The following PUM3 variants were observed in gnomAD, a reference collection of about 807,000 sequenced individuals.
The protein encoded by PUM3 is pumilio homolog 3.
Under a neutral mutation model 84.0 loss-of-function variants are expected in PUM3, and 91 were observed. The observed-to-expected ratio is 1.08, with a 90% CI of 0.91 to 1.29. The LOEUF is 1.29. PUM3 is among the 50% of genes most tolerant of loss of function. The pLI is 0.00. For synonymous variants in PUM3, 321 were observed against 266.7 expected, an observed-to-expected ratio of 1.20 and a Z score of -1.98; for missense variants, 1,067 against 767.5, an observed-to-expected ratio of 1.39 and a Z score of -4.61.
chr9:2,843,704 A>C (rs141469565), intron 1 of PUM3, among the ~76,000 whole-genome samples: 9 of 148,278 alleles, frequency 6.1e-5, no homozygotes, highest in African/African-American at 2.3e-4. Flanking sequence ...TCAGCCTCCC[A>C]AGTAGCTGGG....
At chr9:2,804,491 A>T in intron 17 of PUM3, 28 bp from the exon 18 acceptor site, 1 of 1,603,008 alleles carries the variant, frequency 6.2e-7, no homozygotes, top group Non-Finnish European at 8.5e-7. Flanking sequence ...ATTAAATTTC[A>T]TAAGCATTCC....
chr9:2,841,302 G>T (rs961470847), intron 1 of PUM3, among the ~76,000 whole-genome samples: 35 of 152,272 alleles, frequency 2.3e-4, no homozygotes, highest in African/African-American at 3.4e-4. Flanking sequence ...GTTACTTAGA[G>T]GCTTGCATGG....
At chr9:2,831,757 CT>C (rs1280344808) in intron 5 of PUM3, among the ~76,000 whole-genome samples, 4 of 152,160 alleles carry the variant, frequency 2.6e-5, no homozygotes, top group African/African-American at 9.7e-5. Context: ...GAATGTTTGG[CT>C]TTGGCAACCA....
intron 12 of PUM3, among the ~76,000 whole-genome samples, chr9:2,820,407 T>C (rs1326966897): frequency 6.6e-6 from 1 of 152,100 alleles, no homozygotes; most frequent in Non-Finnish European, 1.5e-5. Context: ...TGTTAATGAA[T>C]AGCTACTTGA....
intron 3 of PUM3, among the ~76,000 whole-genome samples, chr9:2,836,810 CGTGT>C (rs145780551): frequency 6.7e-6 from 1 of 150,172 alleles, no homozygotes; most frequent in African/African-American, 2.4e-5. Flanking sequence ...TGTGTGTGTG[CGTGT>C]GTGTGTGTGT....
At chr9:2,811,317 G>C (rs372400343) in intron 15 of PUM3, 44 bp downstream of exon 15, 1 of 1,585,254 alleles carries the variant, frequency 6.3e-7, no homozygotes, top group Middle Eastern at 2.1e-4. Context: ...CGAAGTTTTT[G>C]TGGCCTTTGC....
In PUM3 at chr9:2,823,800, TA is replaced by T; in HGVS notation, c.1168del (p.Tyr390MetfsTer28). ...RKVIVKTMKT[Y>X]VEKVANGQYS... ...ACTTACATTAGCCACCTTTTCAACATAAGTCTTCATTGTTTTCACAATCACT... is the reference window on the plus strand; with the variant it reads ...ACTTACATTAGCCACCTTTTCAACATAGTCTTCATTGTTTTCACAATCACT... On this transcript the variant is annotated frameshift_variant, in exon 12 of 18. Transcript: ENST00000397885. LOFTEE classifies it high-confidence loss of function. 1 of 1,514,820 alleles carries T rather than the reference TA, an allele frequency of 6.6e-7. No individual in the cohort carries two copies. Among genetic ancestry groups the T allele is most frequent in the Non-Finnish European group, 9.0e-7 (1 of 1,108,996 alleles). 93.8% of individuals were successfully genotyped at this position (1,514,820 alleles called of 1,614,324 possible).
chr9:2,831,060 A>G (rs1324737914), intron 6 of PUM3, 32 bp from the exon 7 acceptor site: 1 of 1,178,762 alleles, frequency 8.5e-7, no homozygotes, highest in Non-Finnish European at 1.2e-6. Flanking sequence ...CAGTGACTTC[A>G]GATCTCATTT....
At chr9:2,813,289 A>T (rs1037185015) in intron 13 of PUM3, among the ~76,000 whole-genome samples, 5 of 152,256 alleles carry the variant, frequency 3.3e-5, no homozygotes, top group Admixed American at 2.0e-4. Context: ...GAAAATTTTT[A>T]AAAATTCCTT....
intron 12 of PUM3, among the ~76,000 whole-genome samples, chr9:2,821,668 A>G (rs1417213710): frequency 6.6e-6 from 1 of 152,146 alleles, no homozygotes; most frequent in Non-Finnish European, 1.5e-5. Context: ...TGAGAATGTA[A>G]AGTGGTTCAA....
intron 3 of PUM3, 79 bp from the exon 4 acceptor site, chr9:2,834,245 C>G: frequency 1.6e-6 from 2 of 1,254,446 alleles, no homozygotes; most frequent in Non-Finnish European, 2.2e-6. Context: ...GTAAAAAGGG[C>G]AATCACTAAT....
chr9:2,837,277 C>T lies in PUM3; in HGVS notation c.207G>A (p.Lys69=). 6.2e-7 allele frequency: 1 copy of T among 1,614,124 alleles called. No homozygotes were observed. The highest frequency in any genetic ancestry group is 2.2e-5 in the East Asian group (1 of 44,868). Residue 69 remains lysine (K), a synonymous_variant, in exon 3 of 18, where the codon AAG becomes AAA. Transcript: ENST00000397885. ...GTGATTTGTCCCCTTGCTGCTTATT[C>T]TTGAACTGCTTTACACCCTTTTTCC... ...KLGKKGVKQF[K]NKQQGDKSPK... is the part of the protein sequence containing the mutation.
chr9:2,841,593 A>G (rs967608832), intron 1 of PUM3, among the ~76,000 whole-genome samples: 1 of 152,144 alleles, frequency 6.6e-6, no homozygotes, highest in Non-Finnish European at 1.5e-5. Flanking sequence ...ATAGCAATTA[A>G]TAAACATTTC....
At position 2,829,963 on chromosome 9, in the gene PUM3, A is replaced by C. The variant is rs1352787439; in HGVS notation, c.678-15T>G. ...GTGGTTTACTTCTAAACGCAACACA[A>C]TCATGGAAAAATAAATGATAGAAGG... On this transcript the variant is annotated splice_polypyrimidine_tract_variant and intron_variant, in intron 7 of 17. Transcript: ENST00000397885. The C allele has an allele frequency of 6.3e-7, 1 of 1,593,188 alleles. No individual in the cohort carries two copies. The highest frequency in any genetic ancestry group is 8.6e-7 in the Non-Finnish European group (1 of 1,165,674).
chr9:2,832,892 A>G (rs983461575), intron 5 of PUM3, among the ~76,000 whole-genome samples: 3 of 152,226 alleles, frequency 2.0e-5, no homozygotes, highest in Admixed American at 6.5e-5. Flanking sequence ...AGCAGCAACA[A>G]TGAAAACTAC....
intron 5 of PUM3, among the ~76,000 whole-genome samples, chr9:2,831,984 C>A (rs2129866144): frequency 6.6e-6 from 1 of 152,292 alleles, no homozygotes; most frequent in South Asian, 2.1e-4. Flanking sequence ...GAAGGACCCA[C>A]TGACCAATTT....
chr9:2,839,297 C>G (rs1448782860), intron 1 of PUM3, among the ~76,000 whole-genome samples: 1 of 152,178 alleles, frequency 6.6e-6, no homozygotes, highest in Non-Finnish European at 1.5e-5. Flanking sequence ...ACGATCAACT[C>G]ATTTGAAAGC....
chr9:2,840,762 C>T (rs1390770853), intron 1 of PUM3, among the ~76,000 whole-genome samples: 1 of 152,168 alleles, frequency 6.6e-6, no homozygotes, highest in Non-Finnish European at 1.5e-5. Flanking sequence ...AAAGCACATC[C>T]TTATTTCCTG....
chr9:2,820,062 C>G lies in PUM3; in HGVS notation c.1225G>C (p.Asp409His). The change falls in exon 13 of 18, where the codon GAT (aspartate) becomes CAT (histidine). Residue 409 changes from aspartate to histidine, a missense_variant. By Grantham distance (81) the Asp-to-His change is moderately conservative. Coordinates refer to ENST00000397885, the MANE Select transcript of PUM3 (RefSeq NM_014878.5). Reference protein sequence around the residue: ...YSHLVLLAAFDCIDDTKLVKQ... With the variant: ...YSHLVLLAAFHCIDDTKLVKQ... The stretch of plus-strand genomic sequence containing the variant: ...ACAAGCTTAGTATCATCAATACAAT[C>G]AAATGCCGCCAGTAAAACCAAATGG... 5.6e-6 allele frequency: 9 copies of G among 1,612,998 alleles called. No homozygotes were observed. Among genetic ancestry groups the G allele is most frequent in the Non-Finnish European group, 7.6e-6 (9 of 1,179,230 alleles).
Sources: gnomAD v4.1 joint callset for allele counts (sites outside exome capture counted in the v4.1 genomes callset) on GRCh38, gnomAD v4.1.1 for gene constraint, MANE v1.5 for transcripts, NCBI Gene and HGNC (gene_info 2026-07-23, HGNC 2026-07-21) for gene names.